The following PLCE1 variants were observed in gnomAD, a reference collection of about 807,000 sequenced individuals.
The protein encoded by PLCE1 is phospholipase C epsilon 1.
In PLCE1, 119 loss-of-function variants were observed where a neutral mutation model predicts 242.8. The observed-to-expected ratio is 0.49, with a 90% CI of 0.42 to 0.57. The LOEUF (loss-of-function observed/expected upper bound fraction) is 0.57, where lower values mean the gene tolerates loss of function less well. PLCE1 is among the 20% of genes least tolerant of loss of function. PLCE1 has a pLI of 0.00. For missense variants in PLCE1, 2,441 were observed against 2,788.8 expected, an observed-to-expected ratio of 0.88 and a Z score of 2.81; for synonymous variants, 945 against 1,017.4, an observed-to-expected ratio of 0.93 and a Z score of 1.35.
chr10:94,061,092 G>C (rs942360676), intron 2 of PLCE1, among the ~76,000 whole-genome samples: 9 of 152,156 alleles, frequency 5.9e-5, no homozygotes, highest in African/African-American at 2.2e-4. Context: ...GTTCAGCGAG[G>C]AGGAAACTGT....
chr10:94,227,488 T>A, intron 5 of PLCE1, 37 bp downstream of exon 5: 1 of 1,584,986 alleles, frequency 6.3e-7, no homozygotes, highest in Non-Finnish European at 8.7e-7. Flanking sequence ...CTTGGCACAA[T>A]CGCTTCTCAT....
intron 1 of PLCE1, among the ~76,000 whole-genome samples, chr10:93,998,148 C>T (rs2060864717): frequency 1.3e-5 from 2 of 152,174 alleles, no homozygotes; most frequent in East Asian, 3.9e-4. Context: ...CAAGGCTGGT[C>T]TGGGGGCAAG....
At chr10:94,195,354 G>T (rs960008440) in intron 4 of PLCE1, among the ~76,000 whole-genome samples, 5 of 152,132 alleles carry the variant, frequency 3.3e-5, no homozygotes, top group African/African-American at 9.7e-5. Flanking sequence ...AGTTCTAGGA[G>T]TTTGTGATTT....
rs543268704 is a variant in PLCE1 at position 94,062,005 on chromosome 10, A to C, written c.1206+29753A>C. Among the ~76,000 whole-genome samples the C allele has an allele frequency of 5.7e-4, 87 of 152,354 alleles. 1 individual carries two copies. The highest frequency in any genetic ancestry group is 2.3e-3 in the South Asian group (11 of 4,830). ...TTGACCTTTGTGTCTCAGTTTCCAA[A>C]TCTTTAAAATGGCAGAATAGCAGTA... On this transcript the variant is annotated intron_variant, in intron 2 of 32. Transcript: ENST00000371380.
Position 94,005,531 on chromosome 10 carries a change from T to G in PLCE1, c.-365+11273T>G, listed in dbSNP as rs117168190. ...TTCTCAGCATCTTTACCAAGAAATG[T>G]CTGGTAAGGACTTCCACCTCTGTGA... is the stretch of plus-strand genomic sequence containing the variant. On this transcript the variant is annotated intron_variant, in intron 1 of 32. Coordinates refer to ENST00000371380, the MANE Select transcript of PLCE1 (RefSeq NM_016341.4). 6.3e-3 allele frequency among the ~76,000 whole-genome samples: 959 copies of G among 152,322 alleles called. 3 individuals are homozygous for G. The highest frequency in any genetic ancestry group is 9.9e-3 in the Non-Finnish European group (672 of 68,028).
chr10:94,268,074 G>A (rs2051579869), intron 16 of PLCE1, among the ~76,000 whole-genome samples: 2 of 152,296 alleles, frequency 1.3e-5, no homozygotes, highest in Admixed American at 6.5e-5. Flanking sequence ...TTAAGATGAT[G>A]TACAGATCTA....
In PLCE1 at chr10:94,031,822, T is replaced by G. The variant is rs1364338965; in HGVS notation, c.776T>G (p.Leu259Trp). ...EQLQCDHCDT[L>W]NDKYFCFEGS... ...CTGCAGTGTGATCATTGTGACACCT[T>G]GAATGATAAATACTTTTGCTTTGAA... The change falls in exon 2 of 33, where the codon TTG (leucine) becomes TGG (tryptophan). Residue 259 changes from leucine to tryptophan, a missense_variant. Physicochemically the swap from Leu to Trp is moderately conservative, Grantham distance 61 (BLOSUM62 -2). Around this residue, in one of 5 missense-constraint regions of PLCE1, gnomAD observed 393 missense variants for 378.5 expected, o/e 1.04. Coordinates refer to ENST00000371380, the MANE Select transcript of PLCE1 (RefSeq NM_016341.4). 6.2e-7 allele frequency: 1 copy of G among 1,613,798 alleles called. No individual in the cohort carries two copies. Among genetic ancestry groups the G allele is most frequent in the East Asian group, 2.2e-5 (1 of 44,854 alleles).
chr10:94,099,417 A>T (rs1564686749), intron 2 of PLCE1, among the ~76,000 whole-genome samples: 2 of 152,228 alleles, frequency 1.3e-5, no homozygotes, highest in Non-Finnish European at 1.5e-5. Context: ...CACAAAACTG[A>T]GGCTTAGAGA....
chr10:94,271,828 A>G (rs1161402764), intron 18 of PLCE1, among the ~76,000 whole-genome samples: 2 of 152,276 alleles, frequency 1.3e-5, no homozygotes, highest in East Asian at 3.9e-4. Flanking sequence ...CAAAGAGAGG[A>G]ATTTTACAGC....
chr10:94,087,567 G>A (rs945171041), intron 2 of PLCE1, among the ~76,000 whole-genome samples: 1 of 151,772 alleles, frequency 6.6e-6, no homozygotes, highest in Non-Finnish European at 1.5e-5. Context: ...CTGTCAAGTA[G>A]CGGAGACTAC....
At chr10:94,065,012 G>T (rs577978106) in intron 2 of PLCE1, among the ~76,000 whole-genome samples, 5 of 152,262 alleles carry the variant, frequency 3.3e-5, no homozygotes, top group South Asian at 2.1e-4. Flanking sequence ...TTTAGTCCTA[G>T]CCTCTGTTTC....
chr10:94,048,568 T>G (rs1025248018), intron 2 of PLCE1, among the ~76,000 whole-genome samples: 1 of 151,402 alleles, frequency 6.6e-6, no homozygotes, highest in African/African-American at 2.4e-5. Context: ...TAATTGGCCG[T>G]GTAGTTTTTG....
chr10:94,000,335 A>G (rs116804947), intron 1 of PLCE1, among the ~76,000 whole-genome samples: 16 of 146,414 alleles, frequency 1.1e-4, no homozygotes, highest in African/African-American at 4.1e-4. Flanking sequence ...TCTACTACTT[A>G]TCATCTGCAT....
At chr10:94,085,144 C>T (rs1009922683) in intron 2 of PLCE1, among the ~76,000 whole-genome samples, 37 of 152,144 alleles carry the variant, frequency 2.4e-4, no homozygotes, top group African/African-American at 8.7e-4. Context: ...ATTCAACAAT[C>T]TTGTGTTTGG....
chr10:94,071,822 G>T (rs749533001), intron 2 of PLCE1, among the ~76,000 whole-genome samples: 10 of 151,768 alleles, frequency 6.6e-5, no homozygotes, highest in Non-Finnish European at 1.3e-4. Context: ...CCCCCTCAGT[G>T]CTCCCCTCCC....
intron 2 of PLCE1, among the ~76,000 whole-genome samples, chr10:94,129,631 G>A (rs566489218): frequency 1.3e-5 from 2 of 152,190 alleles, no homozygotes; most frequent in Non-Finnish European, 2.9e-5. Context: ...ATGAGCCAGC[G>A]CAGCAGCTTG....
chr10:94,237,282 G>A (rs2050356542), intron 7 of PLCE1, among the ~76,000 whole-genome samples: 1 of 152,088 alleles, frequency 6.6e-6, no homozygotes, highest in Non-Finnish European at 1.5e-5. Context: ...GCTTTACAAT[G>A]TGGCTTCATC....
intron 2 of PLCE1, among the ~76,000 whole-genome samples, chr10:94,040,819 TGGTTGAA>T (rs985328186): frequency 4.6e-5 from 7 of 152,122 alleles, no homozygotes; most frequent in African/African-American, 1.4e-4. Flanking sequence ...CATTTTTAAA[TGGTTGAA>T]AAAAATCAAA....
chr10:94,074,270 G>T (rs2044442059), intron 2 of PLCE1, among the ~76,000 whole-genome samples: 1 of 147,622 alleles, frequency 6.8e-6, no homozygotes, highest in South Asian at 2.1e-4. Context: ...ATGGATCACT[G>T]CAGCTTCGAA....
Sources: allele counts gnomAD v4.1 joint callset (sites outside exome capture counted in the v4.1 genomes callset), GRCh38; gene constraint gnomAD v4.1.1; regional missense constraint gnomAD v4.1.1; transcripts MANE v1.5; gene names NCBI Gene and HGNC (gene_info 2026-07-23, HGNC 2026-07-21).